Variants in B4GALT6 observed in about 807,000 individuals in gnomAD.
The protein encoded by B4GALT6 is beta-1,4-galactosyltransferase 6.
In B4GALT6, 14 loss-of-function variants were observed where a neutral mutation model predicts 46.3. That is an observed-to-expected ratio of 0.30 (90% confidence interval 0.20 to 0.47). B4GALT6 has a LOEUF of 0.47. Among genes scored for constraint, B4GALT6 ranks in the 20% least tolerant of loss-of-function variants. The pLI is 0.99. For synonymous variants in B4GALT6, 168 were observed against 162.0 expected (o/e 1.04, Z -0.28); for missense variants, 386 against 480.1 (o/e 0.80, Z 1.83).
Position 31,625,486 on chromosome 18 carries a change from CTG to C in B4GALT6, c.*126_*127del. The C allele has an allele frequency of 9.9e-7, 1 of 1,010,572 alleles. No homozygotes were observed. Among genetic ancestry groups the C allele is most frequent in the Non-Finnish European group, 1.5e-6 (1 of 665,942 alleles). 62.6% of individuals were successfully genotyped at this position (1,010,572 alleles called of 1,614,324 possible). A position where few individuals can be genotyped will look rare whatever the true frequency, so the allele number is the denominator to read the frequency against. The stretch of plus-strand genomic sequence containing the variant: ...TGTATATAGTCCCACTCTGTAAACA[CTG>C]TGGACTGCTGGCTCTTCTCAGAGAA... On this transcript the variant is annotated 3_prime_UTR_variant, in exon 9 of 9. Transcript: ENST00000306851.
the B4GALT6 span, among the ~76,000 whole-genome samples, chr18:31,712,139 A>G: frequency 4.6e-5 from 7 of 152,304 alleles, no homozygotes; most frequent in Admixed American, 2.6e-4. Flanking sequence ...CCAAAAATCA[A>G]TAACATTAAA....
At chr18:31,628,024 T>G (rs766854512) in intron 6 of B4GALT6, among the ~76,000 whole-genome samples, 1 of 152,198 alleles carries the variant, frequency 6.6e-6, no homozygotes, top group Non-Finnish European at 1.5e-5. Context: ...GGGAACTTTT[T>G]GTTAGACACT....
chr18:31,684,843 A>G (rs918660787), upstream of B4GALT6: 1 of 884,422 alleles, frequency 1.1e-6, no homozygotes. Flanking sequence ...TAACTGCAGC[A>G]CGCCCGGCTC....
chr18:31,659,379 G>A (rs2074183685), intron 2 of B4GALT6, among the ~76,000 whole-genome samples: 1 of 152,114 alleles, frequency 6.6e-6, no homozygotes, highest in African/African-American at 2.4e-5. Context: ...GGAGTTGGTG[G>A]GGATGCTGCC....
At chr18:31,659,573 C>G (rs1352458858) in intron 2 of B4GALT6, among the ~76,000 whole-genome samples, 1 of 152,118 alleles carries the variant, frequency 6.6e-6, no homozygotes, top group East Asian at 1.9e-4. Context: ...CTTGGAAACC[C>G]CAGTTACAAA....
chr18:31,663,669 A>G (rs1371851035), intron 2 of B4GALT6, among the ~76,000 whole-genome samples: 6 of 152,202 alleles, frequency 3.9e-5, no homozygotes, highest in African/African-American at 1.2e-4. Context: ...GAGCTCAGTT[A>G]GCTTTTTGTA....
intron 5 of B4GALT6, 83 bp downstream of exon 5, chr18:31,638,561 T>C (rs2073891091): frequency 8.7e-7 from 1 of 1,148,406 alleles, no homozygotes; most frequent in Non-Finnish European, 1.3e-6. Flanking sequence ...CTTACCTTAT[T>C]AATCCTAAAT....
chr18:31,703,100 G>T, the B4GALT6 span, among the ~76,000 whole-genome samples: 2 of 152,186 alleles, frequency 1.3e-5, no homozygotes, highest in South Asian at 4.1e-4. Context: ...AAAAAAAATA[G>T]CTGGTGGCAG....
intron 1 of B4GALT6, among the ~76,000 whole-genome samples, chr18:31,674,303 T>A (rs754706589): frequency 6.6e-6 from 1 of 152,038 alleles, no homozygotes; most frequent in East Asian, 1.9e-4. Context: ...TTGGAAGAAA[T>A]GTTGGTTCAA....
chr18:31,640,483 C>T (rs553513495), intron 4 of B4GALT6, among the ~76,000 whole-genome samples: 1 of 152,168 alleles, frequency 6.6e-6, no homozygotes, highest in South Asian at 2.1e-4. Flanking sequence ...ATGAACTCCC[C>T]CATTCATTTT....
the B4GALT6 span, among the ~76,000 whole-genome samples, chr18:31,706,363 C>T: frequency 1.7e-4 from 26 of 151,962 alleles, no homozygotes; most frequent in African/African-American, 6.0e-4. Context: ...TGAGTGCAGT[C>T]CTCATGCCTG....
chr18:31,719,543 C>T, the B4GALT6 span, among the ~76,000 whole-genome samples: 6 of 152,262 alleles, frequency 3.9e-5, no homozygotes, highest in East Asian at 3.9e-4. Flanking sequence ...TCACCTTGCC[C>T]GCTGCCTAGA....
At chr18:31,720,167 G>A in the B4GALT6 span, among the ~76,000 whole-genome samples, 1 of 152,256 alleles carries the variant, frequency 6.6e-6, no homozygotes, top group Admixed American at 6.5e-5. Context: ...TTAAAGGTTA[G>A]AAGCAAGATG....
In B4GALT6 at chr18:31,624,907, T is replaced by C. The variant is rs2073668268; in HGVS notation, c.*707A>G. The C allele has an allele frequency of 6.5e-6, 1 of 152,682 alleles. No individual in the cohort carries two copies. Among genetic ancestry groups the C allele is most frequent in the Non-Finnish European group, 1.5e-5 (1 of 68,046 alleles). 9.5% of individuals were successfully genotyped at this position (152,682 alleles called of 1,614,324 possible). On this transcript the variant is annotated 3_prime_UTR_variant, in exon 9 of 9. Coordinates refer to ENST00000306851, the MANE Select transcript of B4GALT6 (RefSeq NM_004775.5). ...GCATAAACAATATGGTTGTGATTTC[T>C]AGCAAAATCAGATGAGATTGCAAGC...
In B4GALT6 at chr18:31,684,459, C is replaced by A; in HGVS notation, c.-33G>T. On this transcript the variant is annotated 5_prime_UTR_variant, in exon 1 of 9. Transcript: ENST00000306851. ...TTCCCTGCCAGCAGCCCAGGCTGCG[C>A]TCTCAGGCCGGACTCGGGGCCACTG... 6.2e-7 allele frequency: 1 copy of A among 1,607,502 alleles called. No individual in the cohort carries two copies. Among genetic ancestry groups the A allele is most frequent in the South Asian group, 1.1e-5 (1 of 90,404 alleles).
intron 6 of B4GALT6, among the ~76,000 whole-genome samples, chr18:31,627,684 T>A (rs1055273522): frequency 1.3e-5 from 2 of 152,354 alleles, no homozygotes; most frequent in East Asian, 3.9e-4. Context: ...TTTCAATGCA[T>A]TGATATTTAC....
At chr18:31,648,097 G>A (rs114628873) in intron 3 of B4GALT6, among the ~76,000 whole-genome samples, 2,478 of 152,168 alleles carry the variant, frequency 0.016, 84 homozygotes, top group African/African-American at 0.057. Flanking sequence ...TATTTCACTC[G>A]CTGAGATTTC....
In B4GALT6 at chr18:31,666,300, A is replaced by G; in HGVS notation, c.188T>C (p.Met63Thr). 1 of 1,609,822 alleles carries G rather than the reference A, an allele frequency of 6.2e-7. No homozygotes were observed. Among genetic ancestry groups the G allele is most frequent in the Non-Finnish European group, 8.5e-7 (1 of 1,177,776 alleles). Residue 63 changes from methionine to threonine, a missense_variant, in exon 2 of 9, where the codon ATG (methionine) becomes ACG (threonine). Transcript: ENST00000306851. ...LRENVKTIGH[M>T]IRLYTNKNST... ...GTTTTTATTTGTGTACAGCCTGATCATATGACCTATTGTTTTCACATTTTC... is the reference window on the plus strand; with the variant it reads ...GTTTTTATTTGTGTACAGCCTGATCGTATGACCTATTGTTTTCACATTTTC...
upstream of B4GALT6, among the ~76,000 whole-genome samples, chr18:31,690,206 A>G (rs1231337571): frequency 2.0e-5 from 3 of 152,122 alleles, no homozygotes; most frequent in Non-Finnish European, 4.4e-5. Context: ...CTCTTGGCAC[A>G]CTGCAATTTA....
Sources: gnomAD v4.1 joint callset for allele counts (sites outside exome capture counted in the v4.1 genomes callset) on GRCh38, gnomAD v4.1.1 for gene constraint, MANE v1.5 for transcripts, NCBI Gene and HGNC (gene_info 2026-07-23, HGNC 2026-07-21) for gene names.